Variants in XRCC6 observed in about 807,000 individuals in gnomAD.
XRCC6 encodes the protein X-ray repair cross complementing 6.
In XRCC6, 5 loss-of-function variants were observed where a neutral mutation model predicts 65.7. The ratio of observed to expected loss-of-function variants is 0.08; its 90% CI spans 0.04 to 0.16. The LOEUF (loss-of-function observed/expected upper bound fraction) is 0.16, where lower values mean the gene tolerates loss of function less well. Ranked by LOEUF, XRCC6 falls within the 10% of genes least tolerant of loss-of-function variation. XRCC6 has a pLI of 1.00. For missense variants in XRCC6, 447 were observed against 738.1 expected (o/e 0.61, Z 4.57); for synonymous variants, 270 against 270.6 (o/e 1.00, Z 0.02).
chr22:41,649,342 ATTT>A (rs895234704), intron 7 of XRCC6, among the ~76,000 whole-genome samples: 2 of 139,302 alleles, frequency 1.4e-5, no homozygotes, highest in Admixed American at 7.3e-5. Flanking sequence ...AATTTTTTGT[ATTT>A]TTTTTTTTTT....
At position 41,653,663 on chromosome 22, in the gene XRCC6, G is replaced by T; in HGVS notation, c.1264G>T (p.Asp422Tyr). The T allele has an allele frequency of 6.2e-7, 1 of 1,614,054 alleles. No individual in the cohort carries two copies. The highest frequency in any genetic ancestry group is 1.1e-5 in the South Asian group (1 of 91,054). The change falls in exon 9 of 13, where the codon GAC becomes TAC. Residue 422 changes from aspartate (D) to tyrosine (Y), a missense_variant. Physicochemically the swap from Asp to Tyr is radical, Grantham distance 160. Coordinates refer to ENST00000360079, the MANE Select transcript of XRCC6 (RefSeq NM_001469.5). ...GGTGCCACAGGAAGAAGAGTTGGATGACCAGAAAATTCAGGTGACTCCTCC... is the reference window on the plus strand; with the variant it reads ...GGTGCCACAGGAAGAAGAGTTGGATTACCAGAAAATTCAGGTGACTCCTCC... ...ALVPQEEELDDQKIQVTPPGF... is the reference protein window; with the variant it reads ...ALVPQEEELDYQKIQVTPPGF...
At chr22:41,626,862 G>T (rs760231403) in intron 2 of XRCC6, among the ~76,000 whole-genome samples, 3 of 150,890 alleles carry the variant, frequency 2.0e-5, no homozygotes, top group African/African-American at 4.9e-5. Flanking sequence ...GGATGGTCTC[G>T]ACCTCCTGAC....
chr22:41,659,097 G>T (rs2068075810), intron 11 of XRCC6, among the ~76,000 whole-genome samples: 1 of 152,094 alleles, frequency 6.6e-6, no homozygotes, highest in Non-Finnish European at 1.5e-5. Context: ...TCCCCGCCCG[G>T]CTAATTTTTG....
chr22:41,656,528 A>AAG (rs1555907598), intron 9 of XRCC6, among the ~76,000 whole-genome samples: 6 of 152,070 alleles, frequency 3.9e-5, no homozygotes, highest in African/African-American at 1.4e-4. Flanking sequence ...AAAAAAAAAA[A>AAG]AGATGGAAAA....
At chr22:41,637,140 G>C (rs1188879343) in intron 5 of XRCC6, among the ~76,000 whole-genome samples, 2 of 140,170 alleles carry the variant, frequency 1.4e-5, no homozygotes, top group Non-Finnish European at 3.0e-5. Flanking sequence ...CTAGAGTGCA[G>C]TGGCACAATC....
At chr22:41,634,664 C>T (rs566256356) in intron 3 of XRCC6, among the ~76,000 whole-genome samples, 1 of 152,138 alleles carries the variant, frequency 6.6e-6, no homozygotes. Context: ...CCTGCCTCAA[C>T]CTCCTGAGTA....
At chr22:41,652,679 CTGTT>C (rs1030753936) in intron 8 of XRCC6, among the ~76,000 whole-genome samples, 8 of 114,282 alleles carry the variant, frequency 7.0e-5, no homozygotes, top group African/African-American at 3.1e-4. Flanking sequence ...AATTCACTTT[CTGTT>C]TGTTTGTTTT....
chr22:41,660,195 T>C (rs1381899371), intron 11 of XRCC6, among the ~76,000 whole-genome samples: 3 of 152,186 alleles, frequency 2.0e-5, no homozygotes, highest in Non-Finnish European at 4.4e-5. Flanking sequence ...CCCTTGCCCT[T>C]GATGTGACAC....
chr22:41,646,846 A>T, intron 6 of XRCC6, 50 bp from the exon 7 acceptor site: 1 of 1,486,314 alleles, frequency 6.7e-7, no homozygotes, highest in South Asian at 1.3e-5. Flanking sequence ...AATTTTAGAT[A>T]GAAAAGTGCA....
chr22:41,635,491 A>G (rs528681231), intron 3 of XRCC6, among the ~76,000 whole-genome samples: 13 of 152,266 alleles, frequency 8.5e-5, no homozygotes, highest in East Asian at 1.9e-4. Flanking sequence ...TCTGATTCCA[A>G]TGCTTTGCTT....
At chr22:41,640,510 C>G (rs2067864500) in intron 6 of XRCC6, among the ~76,000 whole-genome samples, 1 of 152,148 alleles carries the variant, frequency 6.6e-6, no homozygotes, top group South Asian at 2.1e-4. Context: ...GTCTGAGACT[C>G]CTGGCCTCAA....
chr22:41,640,133 C>T (rs2067859828), intron 6 of XRCC6, among the ~76,000 whole-genome samples: 1 of 151,966 alleles, frequency 6.6e-6, no homozygotes, highest in African/African-American at 2.4e-5. Flanking sequence ...CTTCTGTGGT[C>T]TTCCTGTCTC....
chr22:41,655,092 G>C (rs1447012516), intron 9 of XRCC6, among the ~76,000 whole-genome samples: 2 of 152,200 alleles, frequency 1.3e-5, no homozygotes, highest in African/African-American at 2.4e-5. Context: ...AAGGTAATCA[G>C]TATTGCGGTG....
chr22:41,662,469 T>C (rs1317438108), intron 12 of XRCC6, among the ~76,000 whole-genome samples: 1 of 152,232 alleles, frequency 6.6e-6, no homozygotes. Flanking sequence ...TTTTCTAGTT[T>C]GCTATTTTTG....
At chr22:41,627,544 GA>G (rs2067691533) in intron 2 of XRCC6, among the ~76,000 whole-genome samples, 2 of 148,108 alleles carry the variant, frequency 1.4e-5, no homozygotes, top group Admixed American at 6.8e-5. Context: ...CTGGGAGACG[GA>G]GGTCGTAGTA....
chr22:41,641,056 C>T (rs1033904911), intron 6 of XRCC6, among the ~76,000 whole-genome samples: 2 of 152,070 alleles, frequency 1.3e-5, no homozygotes, highest in Non-Finnish European at 2.9e-5. Context: ...GCCTGGGCAA[C>T]CCAGGGAGAC....
intron 11 of XRCC6, among the ~76,000 whole-genome samples, chr22:41,660,484 A>G (rs1385267170): frequency 6.6e-6 from 1 of 151,970 alleles, no homozygotes; most frequent in African/African-American, 2.4e-5. Context: ...CACCTGTCTT[A>G]TCTTACCCTC....
In XRCC6 at chr22:41,621,325, G is replaced by T. The variant is rs910857586; in HGVS notation, c.-36G>T. ...TGGATTGTCGTCTTCTGTCCAAGTT[G>T]GTCGCTTCCCTGCGCCAAAGGTAAG... On this transcript the variant is annotated 5_prime_UTR_variant, in exon 1 of 13. Transcript: ENST00000360079. 12 of 181,618 alleles carry T rather than the reference G, an allele frequency of 6.6e-5. No homozygotes were observed. Among genetic ancestry groups the T allele is most frequent in the Admixed American group, 1.2e-4 (2 of 16,726 alleles). 11.3% of individuals were successfully genotyped at this position (181,618 alleles called of 1,614,324 possible).
chr22:41,631,955 G>A (rs1383168722), intron 3 of XRCC6, among the ~76,000 whole-genome samples: 22 of 152,046 alleles, frequency 1.4e-4, no homozygotes, highest in African/African-American at 4.6e-4. Context: ...GCGAAACCCC[G>A]TCTCCACCAA....
Sources: gnomAD v4.1 joint callset for allele counts (sites outside exome capture counted in the v4.1 genomes callset) on GRCh38, gnomAD v4.1.1 for gene constraint, MANE v1.5 for transcripts, NCBI Gene and HGNC (gene_info 2026-07-23, HGNC 2026-07-21) for gene names.